The following DLG2 variants were observed in gnomAD, a reference collection of about 807,000 sequenced individuals.
The protein encoded by DLG2 is discs large MAGUK scaffold protein 2, also known as disks large homolog 2.
A neutral mutation model predicts 132.5 loss-of-function variants in DLG2; 45 were observed. The observed-to-expected ratio is 0.34, with a 90% CI of 0.27 to 0.44. The LOEUF is 0.44. DLG2 is among the 20% of genes least tolerant of loss of function. The probability of loss-of-function intolerance (pLI) is 1.00; values close to 1 mark genes in which losing one functional copy is unlikely to be tolerated. For missense variants in DLG2, 1,045 were observed against 1,196.9 expected, an observed-to-expected ratio of 0.87 and a Z score of 1.87; for synonymous variants, 424 against 419.6, an observed-to-expected ratio of 1.01 and a Z score of -0.13.
chr11:85,271,657 A>C lies in DLG2; in HGVS notation c.186+13563T>G, dbSNP rs186432100. ...ACCCAGCTCTTGCATAGCATGACCT[A>C]GATGTGAGACATGAAGTCAAAGAAT... On this transcript the variant is annotated intron_variant, in intron 4 of 27. Transcript: ENST00000376104. Among the ~76,000 whole-genome samples, 31 of 152,358 alleles carry C rather than the reference A, an allele frequency of 2.0e-4. 1 individual carries two copies. Among genetic ancestry groups the C allele is most frequent in the African/African-American group, 6.0e-4 (25 of 41,588 alleles).
intron 6 of DLG2, among the ~76,000 whole-genome samples, chr11:84,985,991 C>CAAAAAAAAAAAAAAA (rs71036455): frequency 2.3e-5 from 1 of 44,214 alleles, no homozygotes; most frequent in Non-Finnish European, 3.6e-5. Context: ...GACTCCGTCT[C>CAAAAAAAAAAAAAAA]AAAAAAAAAA....
At chr11:84,558,482 T>C (rs1018737749) in intron 6 of DLG2, among the ~76,000 whole-genome samples, 1 of 152,174 alleles carries the variant, frequency 6.6e-6, no homozygotes, top group Non-Finnish European at 1.5e-5. Flanking sequence ...AAACCTTTTT[T>C]TCTTAAATAA....
At chr11:83,668,418 T>C (rs2076111299) in intron 18 of DLG2, among the ~76,000 whole-genome samples, 2 of 152,188 alleles carry the variant, frequency 1.3e-5, no homozygotes, top group African/African-American at 2.4e-5. Flanking sequence ...TACTTTTGTA[T>C]AGGCTGCTCA....
chr11:84,671,246 A>G (rs1217222360), intron 6 of DLG2, among the ~76,000 whole-genome samples: 1 of 151,960 alleles, frequency 6.6e-6, no homozygotes. Context: ...CTATAGGTAC[A>G]TGCCACCATG....
At chr11:85,194,641 A>G (rs142342028) in intron 4 of DLG2, among the ~76,000 whole-genome samples, 1 of 151,592 alleles carries the variant, frequency 6.6e-6, no homozygotes, top group East Asian at 2.0e-4. Context: ...CAGAATAGAA[A>G]GAGTATGGGA....
chr11:83,494,386 T>A (rs950182894), intron 21 of DLG2, among the ~76,000 whole-genome samples: 20 of 150,668 alleles, frequency 1.3e-4, no homozygotes, highest in African/African-American at 4.9e-4. Flanking sequence ...TCCACCACCA[T>A]CCCAGGATGC....
intron 6 of DLG2, among the ~76,000 whole-genome samples, chr11:84,712,264 CCTT>C (rs2060533533): frequency 6.6e-6 from 1 of 151,974 alleles, no homozygotes; most frequent in Admixed American, 6.6e-5. Flanking sequence ...AGTTAACCCT[CCTT>C]ATTTTTTTAT....
intron 6 of DLG2, among the ~76,000 whole-genome samples, chr11:84,784,227 G>A (rs1197342931): frequency 6.8e-6 from 1 of 147,846 alleles, no homozygotes; most frequent in East Asian, 2.0e-4. Context: ...GGAGGCTGAG[G>A]CATAATTGCT....
intron 19 of DLG2, among the ~76,000 whole-genome samples, chr11:83,583,963 A>T (rs1425361538): frequency 6.6e-6 from 1 of 152,226 alleles, no homozygotes; most frequent in Non-Finnish European, 1.5e-5. Context: ...ATCATGAAAA[A>T]GAAATCTGTA....
chr11:84,723,114 TC>T (rs1321883902), intron 6 of DLG2, among the ~76,000 whole-genome samples: 2 of 152,140 alleles, frequency 1.3e-5, no homozygotes, highest in African/African-American at 4.8e-5. Context: ...AGAGAATAGA[TC>T]CTAAAAAAGC....
At chr11:84,138,758 G>C (rs1397078891) in intron 9 of DLG2, among the ~76,000 whole-genome samples, 1 of 152,044 alleles carries the variant, frequency 6.6e-6, no homozygotes, top group Non-Finnish European at 1.5e-5. Flanking sequence ...AGATGAGCCT[G>C]GCCAACATGG....
chr11:84,918,858 G>C (rs2092622973), intron 6 of DLG2, among the ~76,000 whole-genome samples: 1 of 152,078 alleles, frequency 6.6e-6, no homozygotes, highest in African/African-American at 2.4e-5. Context: ...GAAGCTGAGT[G>C]AATAAAAAAG....
At chr11:84,834,538 A>G (rs1223789338) in intron 6 of DLG2, among the ~76,000 whole-genome samples, 1 of 151,614 alleles carries the variant, frequency 6.6e-6, no homozygotes, top group East Asian at 1.9e-4. Context: ...GCAGGCAGAA[A>G]AGAACATATT....
At chr11:83,610,529 A>G (rs1342463458) in intron 19 of DLG2, among the ~76,000 whole-genome samples, 1 of 138,184 alleles carries the variant, frequency 7.2e-6, no homozygotes, top group Non-Finnish European at 1.6e-5. Context: ...CTGGCAGTAT[A>G]GCAACCAACT....
At chr11:84,613,712 G>C (rs2099599333) in intron 6 of DLG2, among the ~76,000 whole-genome samples, 2 of 152,124 alleles carry the variant, frequency 1.3e-5, no homozygotes, top group Non-Finnish European at 2.9e-5. Flanking sequence ...CAAATTAAAA[G>C]TTTTTTATCC....
intron 3 of DLG2, among the ~76,000 whole-genome samples, chr11:85,480,108 T>A (rs1415271730): frequency 6.6e-6 from 1 of 152,206 alleles, no homozygotes; most frequent in Non-Finnish European, 1.5e-5. Flanking sequence ...TTCAGTCTGG[T>A]AACACCAAGT....
intron 18 of DLG2, among the ~76,000 whole-genome samples, chr11:83,669,037 T>C (rs1240212594): frequency 1.3e-5 from 2 of 152,194 alleles, no homozygotes; most frequent in South Asian, 2.1e-4. Context: ...AAGAATTTCC[T>C]GGCCCATCAA....
At chr11:85,197,519 A>G (rs2152543902) in intron 4 of DLG2, among the ~76,000 whole-genome samples, 1 of 152,330 alleles carries the variant, frequency 6.6e-6, no homozygotes, top group Non-Finnish European at 1.5e-5. Flanking sequence ...TAGAAAAGCT[A>G]TACAATTATC....
At chr11:84,365,765 A>T (rs1315042175) in intron 7 of DLG2, among the ~76,000 whole-genome samples, 1 of 151,834 alleles carries the variant, frequency 6.6e-6, no homozygotes. Context: ...TCCTTTCGTT[A>T]TGTACCCAGT....
Sources: gnomAD v4.1 joint callset for allele counts (sites outside exome capture counted in the v4.1 genomes callset) on GRCh38, gnomAD v4.1.1 for gene constraint, MANE v1.5 for transcripts, NCBI Gene and HGNC (gene_info 2026-07-23, HGNC 2026-07-21) for gene names.